Variants in PCDHA6 observed in about 807,000 individuals in gnomAD.
PCDHA6 encodes protocadherin alpha 6, also known as protocadherin alpha-6.
In PCDHA6, 55 loss-of-function variants were observed where a neutral mutation model predicts 60.3. The ratio of observed to expected loss-of-function variants is 0.91; its 90% confidence interval spans 0.73 to 1.14. The LOEUF (loss-of-function observed/expected upper bound fraction) is 1.14. PCDHA6 is among the 50% of genes most tolerant of loss of function. The pLI, the probability that PCDHA6 is intolerant of heterozygous loss-of-function variation, is 0.00. For missense variants in PCDHA6, 1,327 were observed against 1,256.5 expected (o/e 1.06, Z -0.85); for synonymous variants, 652 against 557.9 (o/e 1.17, Z -2.38).
chr5:140,870,353 T>C lies in PCDHA6; in HGVS notation c.2394+39868T>C, dbSNP rs782038424. On this transcript the variant is annotated intron_variant, in intron 1 of 3. Transcript: ENST00000529310. ...GACAGCGCCCTGGACCGCGAGAACG[T>C]GTGGGCCTATGAACTGGTGGTGACT... is the stretch of plus-strand genomic sequence containing the variant. The C allele has an allele frequency of 3.7e-6, 6 of 1,614,002 alleles. No homozygotes were observed. The Admixed American group carries it at 8.3e-5, about 22-fold the overall frequency.
rs545893416 is a variant in PCDHA6, at chr5:140,934,382, A to G, written c.2395-44567A>G. On this transcript the variant is annotated intron_variant, in intron 1 of 3. Transcript: ENST00000529310. ...CTGCTTTGACTCCTTCTGTGGTTCT[A>G]TGGTGGCCAGCTTTACCCACCAATG... Among the ~76,000 whole-genome samples the G allele has an allele frequency of 2.0e-3, 310 of 152,264 alleles. 8 individuals are homozygous for G. Among genetic ancestry groups the G allele is most frequent in the South Asian group, 3.9e-3 (19 of 4,830 alleles).
At chr5:140,856,867 C>A (rs1554149232) in intron 1 of PCDHA6, 1 of 1,595,186 alleles carries the variant, frequency 6.3e-7, no homozygotes. Context: ...AAGGAATAAA[C>A]AAGGAAATGA....
In PCDHA6 at chr5:140,829,602, T is replaced by C; in HGVS notation, c.1511T>C (p.Leu504Ser). The change falls in exon 1 of 4, where the codon TTG (leucine) becomes TCG (serine). Residue 504 changes from leucine (L) to serine (S), a missense_variant. Transcript: ENST00000529310. ...GAGCGGCGGGTGGGCGAGCGCGCGT[T>C]GTCGAGCTACATTTCGGTGCACGCG... ...LVERRVGERALSSYISVHAES... is the reference protein window; with the variant it reads ...LVERRVGERASSSYISVHAES... 6.2e-7 allele frequency: 1 copy of C among 1,612,054 alleles called. No homozygotes were observed. Among genetic ancestry groups the C allele is most frequent in the Non-Finnish European group, 8.5e-7 (1 of 1,179,778 alleles).
At chr5:140,888,286 C>A (rs1277980750) in intron 1 of PCDHA6, among the ~76,000 whole-genome samples, 7 of 152,080 alleles carry the variant, frequency 4.6e-5, no homozygotes, top group African/African-American at 1.7e-4. Context: ...TCCCCTCTAC[C>A]CCCTACCCAG....
rs546551059 is a variant in PCDHA6, at chr5:140,918,074, G to A, written c.2395-60875G>A. Among the ~76,000 whole-genome samples, 10 of 152,214 alleles carry A rather than the reference G, an allele frequency of 6.6e-5. No individual in the cohort carries two copies. The East Asian group carries it at 1.9e-3, about 29-fold the overall frequency. On this transcript the variant is annotated intron_variant, in intron 1 of 3. Transcript: ENST00000529310. ...TTATCATCTCTGATTTCTTTCAGTA[G>A]TGTTTTATAATTCTTTTTATAGAGA...
intron 1 of PCDHA6, chr5:140,865,908 T>A (rs1023181309): frequency 2.6e-5 from 4 of 152,274 alleles, no homozygotes; most frequent in African/African-American, 9.6e-5. Flanking sequence ...GGCAAATCTT[T>A]CTTTCTGTTG....
intron 1 of PCDHA6, among the ~76,000 whole-genome samples, chr5:140,940,470 AT>A (rs201096499): frequency 2.7e-5 from 4 of 149,646 alleles, no homozygotes; most frequent in South Asian, 2.1e-4. Flanking sequence ...GTTCCCTGCA[AT>A]TTTTTTTTTC....
At chr5:140,841,297 T>A (rs2150312765) in intron 1 of PCDHA6, 1 of 1,566,194 alleles carries the variant, frequency 6.4e-7, no homozygotes, top group South Asian at 1.2e-5. Flanking sequence ...AGATAATATT[T>A]TCTGATAGGA....
chr5:140,935,921 C>G (rs1480748257), intron 1 of PCDHA6, among the ~76,000 whole-genome samples: 2 of 129,532 alleles, frequency 1.5e-5, no homozygotes, highest in African/African-American at 5.8e-5. Context: ...GAGACAGATT[C>G]TCATTCTGTT....
chr5:140,918,234 T>G (rs1188816850), intron 1 of PCDHA6, among the ~76,000 whole-genome samples: 1 of 152,210 alleles, frequency 6.6e-6, no homozygotes, highest in Non-Finnish European at 1.5e-5. Context: ...TTTTGTACAT[T>G]GATTTTGTAT....
intron 1 of PCDHA6, among the ~76,000 whole-genome samples, chr5:140,908,509 A>G (rs1458307706): frequency 1.3e-5 from 2 of 152,116 alleles, no homozygotes; most frequent in Non-Finnish European, 2.9e-5. Flanking sequence ...TGACTTGATG[A>G]CCCATAGTCA....
chr5:140,994,314 C>T (rs936811729), intron 3 of PCDHA6, among the ~76,000 whole-genome samples: 4 of 152,192 alleles, frequency 2.6e-5, no homozygotes, highest in African/African-American at 9.6e-5. Flanking sequence ...AGGGCCCAAA[C>T]ACTCTCAGCA....
intron 3 of PCDHA6, among the ~76,000 whole-genome samples, chr5:141,003,969 G>A (rs781827494): frequency 2.0e-5 from 3 of 152,158 alleles, no homozygotes; most frequent in Non-Finnish European, 4.4e-5. Flanking sequence ...GAGCATAAGG[G>A]AGGGGACTTG....
In PCDHA6 at chr5:140,848,468, C is replaced by G. The variant is rs983897735; in HGVS notation, c.2394+17983C>G. 7.1e-6 allele frequency: 11 copies of G among 1,547,824 alleles called. 2 individuals are homozygous for G. Among genetic ancestry groups the G allele is most frequent in the Non-Finnish European group, 9.6e-6 (11 of 1,140,172 alleles). On this transcript the variant is annotated intron_variant, in intron 1 of 3. Transcript: ENST00000529310. The stretch of plus-strand genomic sequence containing the variant: ...TCTTCTAATTTGGAGGCAATTTTCA[C>G]TAATTAGAAGAAGACTGAGTATTTG...
At chr5:140,853,596 A>G (rs2042799204) in intron 1 of PCDHA6, 1 of 986,974 alleles carries the variant, frequency 1.0e-6, no homozygotes, top group Non-Finnish European at 1.2e-6. Flanking sequence ...ACACTTTGAG[A>G]GCAAAGGGGG....
chr5:140,887,802 T>A (rs2061588161), intron 1 of PCDHA6, among the ~76,000 whole-genome samples: 1 of 152,198 alleles, frequency 6.6e-6, no homozygotes, highest in Non-Finnish European at 1.5e-5. Context: ...TTTATTTTTG[T>A]CCATTTCTTT....
Position 140,829,755 on chromosome 5 carries a change from T to C in PCDHA6, c.1664T>C (p.Val555Ala), listed in dbSNP as rs2150173994. The change falls in exon 1 of 4, where the codon GTG (valine) becomes GCG (alanine). Residue 555 changes from valine (V) to alanine (A), a missense_variant. Transcript: ENST00000529310. ...AGCAACGTGACGCTGCAGGTGTTCGTGCTGGACGAGAACGACAACGCGCCG... is the reference window on the plus strand; with the variant it reads ...AGCAACGTGACGCTGCAGGTGTTCGCGCTGGACGAGAACGACAACGCGCCG... The part of the protein sequence containing the change: ...LGSNVTLQVF[V>A]LDENDNAPAL... The C allele has an allele frequency of 6.2e-7, 1 of 1,613,728 alleles. No homozygotes were observed. Among genetic ancestry groups the C allele is most frequent in the East Asian group, 2.2e-5 (1 of 44,872 alleles).
At chr5:140,959,524 C>T (rs187530929) in intron 1 of PCDHA6, among the ~76,000 whole-genome samples, 1 of 152,024 alleles carries the variant, frequency 6.6e-6, no homozygotes. Context: ...ATCTTTAAGA[C>T]CATTAATTCA....
chr5:140,996,799 T>C (rs1372599057), intron 3 of PCDHA6, among the ~76,000 whole-genome samples: 3 of 152,306 alleles, frequency 2.0e-5, no homozygotes, highest in African/African-American at 7.2e-5. Context: ...CTACATCCAA[T>C]CATGCTTTCC....
Sources: allele counts gnomAD v4.1 joint callset (sites outside exome capture counted in the v4.1 genomes callset), GRCh38; gene constraint gnomAD v4.1.1; transcripts MANE v1.5; gene names NCBI Gene and HGNC (gene_info 2026-07-23, HGNC 2026-07-21).